CEP120: variants seen among roughly 807,000 people sequenced by gnomAD.
CEP120 encodes centrosomal protein 120.
A neutral mutation model predicts 126.5 loss-of-function variants in CEP120; 113 were observed. The observed-to-expected ratio is 0.89, with a 90% CI of 0.77 to 1.04. The LOEUF (loss-of-function observed/expected upper bound fraction) is 1.04. CEP120 is among the 50% of genes least tolerant of loss of function. The probability of loss-of-function intolerance (pLI) is 0.00; values close to 1 mark genes in which losing one functional copy is unlikely to be tolerated. For synonymous variants in CEP120, 400 were observed against 394.3 expected, an observed-to-expected ratio of 1.01 and a Z score of -0.17; for missense variants, 1,230 against 1,155.7, an observed-to-expected ratio of 1.06 and a Z score of -0.93.
chr5:123,403,856 C>A, intron 4 of CEP120: 1 of 223,248 alleles, frequency 4.5e-6, no homozygotes, highest in Non-Finnish European at 9.1e-6. Context: ...GATCAAGGAA[C>A]TATTTCAGAA....
At chr5:123,407,821 T>C (rs540341830) in intron 4 of CEP120, among the ~76,000 whole-genome samples, 1 of 152,258 alleles carries the variant, frequency 6.6e-6, no homozygotes, top group South Asian at 2.1e-4. Context: ...TTCTGGGCCA[T>C]AAAACACACC....
Position 123,350,086 on chromosome 5 carries a change from C to A in CEP120, c.2584G>T (p.Glu862Ter), listed in dbSNP as rs778683092. The A allele has an allele frequency of 6.2e-7, 1 of 1,609,224 alleles. No individual in the cohort carries two copies. Among genetic ancestry groups the A allele is most frequent in the South Asian group, 1.1e-5 (1 of 89,784 alleles). ...LKELARLKQR[E>*]QESQMARLKK... ...AGACGAGCCATTTGACTTTCTTGCT[C>A]CCTCTTGAAAGAAACAAAGAAACAA... Residue 862 changes from glutamate (E) to a stop codon, truncating the protein, a stop_gained, in exon 19 of 20, where the codon GAG becomes TAG. Coordinates refer to ENST00000306467, the MANE Select transcript of CEP120 (RefSeq NM_001375405.1). LOFTEE classifies it high-confidence loss of function.
intron 18 of CEP120, among the ~76,000 whole-genome samples, chr5:123,358,679 G>A (rs572146251): frequency 7.8e-6 from 1 of 127,498 alleles, no homozygotes; most frequent in South Asian, 2.6e-4. Flanking sequence ...ATCAAGTATA[G>A]GGCATTAATA....
intron 11 of CEP120, 58 bp from the exon 12 acceptor site, chr5:123,383,140 C>T: frequency 9.7e-7 from 1 of 1,028,826 alleles, no homozygotes; most frequent in Non-Finnish European, 1.4e-6. Context: ...ATTATTTTTC[C>T]TTTTATTTCC....
Position 123,364,652 on chromosome 5 carries a change from A to C in CEP120, c.2482-58T>G, listed in dbSNP as rs961965911. On this transcript the variant is annotated intron_variant, in intron 17 of 19. Coordinates refer to ENST00000306467, the MANE Select transcript of CEP120 (RefSeq NM_001375405.1). ...ACTATACCACTGTGTACAACCACTG[A>C]AAGATAATATATACAAAGAGTCTGG... 9.4e-6 allele frequency: 9 copies of C among 958,298 alleles called. No homozygotes were observed. The East Asian group carries it at 2.3e-4, about 24-fold the overall frequency. The allele number at this position is 958,298 out of a possible 1,614,324, so 59.4% of individuals were successfully genotyped here.
chr5:123,401,901 C>T, intron 4 of CEP120: 5 of 1,565,248 alleles, frequency 3.2e-6, no homozygotes, highest in Non-Finnish European at 4.4e-6. Context: ...CAGCTGCCGC[C>T]TAAGGTTGTT....
intron 2 of CEP120, among the ~76,000 whole-genome samples, 172 bp downstream of exon 2, chr5:123,418,187 A>G (rs1774494457): frequency 6.6e-6 from 1 of 151,182 alleles, no homozygotes. Context: ...AAAACAAATA[A>G]ATTTCATGTT....
chr5:123,359,746 G>A (rs1769931295), intron 18 of CEP120, among the ~76,000 whole-genome samples: 1 of 151,774 alleles, frequency 6.6e-6, no homozygotes, highest in Admixed American at 6.6e-5. Flanking sequence ...GCTTACCACT[G>A]GTACGGTTGT....
intron 4 of CEP120, chr5:123,402,480 G>A (rs1296025403): frequency 1.0e-5 from 6 of 597,892 alleles, no homozygotes; most frequent in Admixed American, 3.9e-5. Context: ...AGTGGATCTC[G>A]GCTTACTGCA....
intron 18 of CEP120, among the ~76,000 whole-genome samples, chr5:123,354,867 G>A (rs1161835495): frequency 6.6e-6 from 1 of 151,782 alleles, no homozygotes; most frequent in Non-Finnish European, 1.5e-5. Flanking sequence ...CATGTGCCAT[G>A]TTGGTGTGCT....
intron 1 of CEP120, among the ~76,000 whole-genome samples, chr5:123,419,957 C>A (rs1774617598): frequency 6.6e-6 from 1 of 152,150 alleles, no homozygotes; most frequent in South Asian, 2.1e-4. Context: ...GAATTTTATC[C>A]ATTGATTAAT....
intron 3 of CEP120, among the ~76,000 whole-genome samples, chr5:123,414,684 C>A (rs190959938): frequency 6.6e-6 from 1 of 151,966 alleles, no homozygotes; most frequent in Non-Finnish European, 1.5e-5. Context: ...CGCTAAGCAG[C>A]GGCCGGGCGC....
In CEP120 at chr5:123,382,813, C is replaced by T. The variant is rs759270074; in HGVS notation, c.1937G>A (p.Arg646His). 89 of 1,613,292 alleles carry T rather than the reference C, an allele frequency of 5.5e-5. No homozygotes were observed. Among genetic ancestry groups the T allele is most frequent in the Middle Eastern group, 3.3e-4 (2 of 6,080 alleles). ...TGCTGCTTTGTATTCTAACGTTTCA[C>T]GAGGCTCTGTCTGGATCTCTGAAGG... Reference protein sequence around the residue: ...PCPSEIQTEPRETLEYKAALE... With the variant: ...PCPSEIQTEPHETLEYKAALE... The change falls in exon 13 of 20, where the codon CGT (arginine) becomes CAT (histidine). Residue 646 changes from arginine to histidine, a missense_variant. Transcript: ENST00000306467.
chr5:123,385,620 T>G (rs1026171430), intron 10 of CEP120, among the ~76,000 whole-genome samples: 11 of 42,206 alleles, frequency 2.6e-4, no homozygotes, highest in Non-Finnish European at 4.2e-4. Flanking sequence ...ACTATACCTG[T>G]TTTTTTTTTT....
rs964312922 is a variant in CEP120 at position 123,393,170 on chromosome 5, T to C, written c.810+130A>G. 7 of 791,694 alleles carry C rather than the reference T, an allele frequency of 8.8e-6. No homozygotes were observed. In the African/African-American group the frequency reaches 1.2e-4, roughly 14 times the overall value. The allele number at this position is 791,694 out of a possible 1,614,324, so 49.0% of individuals were successfully genotyped here. A position where few individuals can be genotyped will look rare whatever the true frequency, so the allele number is the denominator to read the frequency against. On this transcript the variant is annotated intron_variant, in intron 6 of 19. Coordinates refer to ENST00000306467, the MANE Select transcript of CEP120 (RefSeq NM_001375405.1). ...GATAGTACCTAAAAAAATTAGAAGA[T>C]GTGGCAGAAAGATAACCTGTACTAC...
chr5:123,382,206 AAAGG>A lies in CEP120; in HGVS notation c.2014-10_2014-7del. The stretch of plus-strand genomic sequence containing the variant: ...GCCAGTTCTTTCTGCTTCAGCTACA[AAAGG>A]AAGAAAAATAAAGTCGCCAAAAAAC... On this transcript the variant is annotated splice_polypyrimidine_tract_variant and splice_region_variant and intron_variant, in intron 13 of 19. Coordinates refer to ENST00000306467, the MANE Select transcript of CEP120 (RefSeq NM_001375405.1). 2 of 1,593,496 alleles carry A rather than the reference AAAGG, an allele frequency of 1.3e-6. No individual in the cohort carries two copies. The highest frequency in any genetic ancestry group is 1.7e-6 in the Non-Finnish European group (2 of 1,170,132).
chr5:123,407,706 A>AT (rs1317082820), intron 4 of CEP120, among the ~76,000 whole-genome samples: 2 of 152,192 alleles, frequency 1.3e-5, no homozygotes, highest in Non-Finnish European at 2.9e-5. Context: ...ACTCAACATT[A>AT]TCAATCAACT....
At chr5:123,399,369 T>C in intron 4 of CEP120, 85 bp from the exon 5 acceptor site, 1 of 1,332,388 alleles carries the variant, frequency 7.5e-7, no homozygotes, top group South Asian at 1.4e-5. Context: ...TATTTTGTAA[T>C]TTGCTTGGTA....
rs1441240949 is a variant in CEP120 at position 123,386,505 on chromosome 5, C to CTG, written c.1580+11_1580+12dup. ...TAAATTAATTAATATCATACATACACTGTATGCATTACCTTAAGAAGGTGT... is the reference window on the plus strand; with the variant it reads ...TAAATTAATTAATATCATACATACACTGTGTATGCATTACCTTAAGAAGGTGT... On this transcript the variant is annotated intron_variant, in intron 10 of 19. Coordinates refer to ENST00000306467, the MANE Select transcript of CEP120 (RefSeq NM_001375405.1). 5 of 1,508,312 alleles carry CTG rather than the reference C, an allele frequency of 3.3e-6. No homozygotes were observed. The African/African-American group carries it at 7.1e-5, about 22-fold the overall frequency. The allele number at this position is 1,508,312 out of a possible 1,614,324, so 93.4% of individuals were successfully genotyped here. A position where few individuals can be genotyped will look rare whatever the true frequency, so the allele number is the denominator to read the frequency against.
Sources: gnomAD v4.1 joint callset for allele counts (sites outside exome capture counted in the v4.1 genomes callset) on GRCh38, gnomAD v4.1.1 for gene constraint, MANE v1.5 for transcripts, NCBI Gene and HGNC (gene_info 2026-07-23, HGNC 2026-07-21) for gene names.